The following CIMAP1A variants were observed in gnomAD, a reference collection of about 807,000 sequenced individuals.
The protein encoded by CIMAP1A is cancer/testis antigen 135.
chr11:197,210 A>C, the CIMAP1A span: 1 of 822,198 alleles, frequency 1.2e-6, no homozygotes, highest in Non-Finnish European at 1.9e-6. Context: ...CTTCAGTGTC[A>C]GCAAGAGCAG....
At chr11:198,191 T>A in the CIMAP1A span, 1 of 1,612,880 alleles carries the variant, frequency 6.2e-7, no homozygotes, top group African/African-American at 1.3e-5. Context: ...CCTTGGCTCC[T>A]TGTCCAGGTG....
At chr11:199,137 G>T in the CIMAP1A span, 1 of 1,398,216 alleles carries the variant, frequency 7.2e-7, no homozygotes, top group East Asian at 2.7e-5. Context: ...CACACACTGG[G>T]GATGCCATTG....
the CIMAP1A span, chr11:197,055 A>C: frequency 2.8e-6 from 1 of 355,172 alleles, no homozygotes; most frequent in Non-Finnish European, 5.1e-6. Flanking sequence ...TGGTGAGTTA[A>C]GGGCCAGCAT....
At chr11:199,903 G>A in the CIMAP1A span, 1 of 1,609,736 alleles carries the variant, frequency 6.2e-7, no homozygotes, top group Non-Finnish European at 8.5e-7. Context: ...TGCAGGTGGG[G>A]GCAGGGGTGC....
At chr11:198,366 T>C in the CIMAP1A span, 13 of 1,613,336 alleles carry the variant, frequency 8.1e-6, no homozygotes, top group Non-Finnish European at 1.1e-5. Context: ...GTGTGTGACA[T>C]GGGGCAGCCC....
chr11:197,225 G>T, the CIMAP1A span: 1 of 967,326 alleles, frequency 1.0e-6, no homozygotes, highest in Non-Finnish European at 1.5e-6. Flanking sequence ...GAGCAGGGTC[G>T]GGGACATCAG....
At chr11:197,335 A>G in the CIMAP1A span, 1 of 1,590,056 alleles carries the variant, frequency 6.3e-7, no homozygotes, top group South Asian at 1.1e-5. Flanking sequence ...GGGTACCTGG[A>G]GGCCCCATCG....
the CIMAP1A span, chr11:199,408 G>T: frequency 1.3e-6 from 2 of 1,575,334 alleles, no homozygotes; most frequent in Non-Finnish European, 1.7e-6. Context: ...TGATGTGCGG[G>T]TGACCAAGTT....
chr11:197,260 C>A, the CIMAP1A span: 15 of 1,404,554 alleles, frequency 1.1e-5, no homozygotes, highest in East Asian at 2.8e-4. Context: ...CAGGGCCGGG[C>A]CTCCCAGCAC....
the CIMAP1A span, chr11:198,726 C>A: frequency 6.4e-4 from 948 of 1,472,146 alleles, 12 homozygotes; most frequent in East Asian, 0.021. Context: ...GCACCTGCCA[C>A]GTGCTGGGGT....
chr11:197,809 C>T, the CIMAP1A span: 4 of 1,586,654 alleles, frequency 2.5e-6, no homozygotes, highest in Non-Finnish European at 3.4e-6. Flanking sequence ...CTCAGGCCTG[C>T]CCCTCCCTGC....
the CIMAP1A span, chr11:197,911 A>G: frequency 1.3e-5 from 20 of 1,495,094 alleles, no homozygotes; most frequent in African/African-American, 2.5e-4. Flanking sequence ...AGGGGTCACC[A>G]TCGTGCCTGG....
At chr11:198,996 T>G in the CIMAP1A span, 32 of 1,182,944 alleles carry the variant, frequency 2.7e-5, no homozygotes, top group African/African-American at 4.2e-4. Flanking sequence ...TTGAGGGGCC[T>G]GAGATGGGGA....
the CIMAP1A span, chr11:200,179 C>T: frequency 3.4e-5 from 23 of 678,012 alleles, no homozygotes; most frequent in Non-Finnish European, 5.4e-5. Context: ...TAATCAGTTA[C>T]TTTTTTTCTA....
chr11:198,558 G>C, the CIMAP1A span: 1 of 1,610,428 alleles, frequency 6.2e-7, no homozygotes, highest in Non-Finnish European at 8.5e-7. Flanking sequence ...GCAGCAAGCT[G>C]GGCGGCTTCA....
At chr11:198,101 GC>G in the CIMAP1A span, 1 of 1,552,072 alleles carries the variant, frequency 6.4e-7, no homozygotes, top group Non-Finnish European at 8.7e-7. Flanking sequence ...GAGCCCAGAG[GC>G]CCCACGCCTA....
chr11:199,361 CCT>C, the CIMAP1A span: 1 of 1,565,564 alleles, frequency 6.4e-7, no homozygotes. Context: ...GCCTCCTTTA[CCT>C]CTCAGACCCC....
At chr11:198,465 C>T in the CIMAP1A span, 1 of 1,613,142 alleles carries the variant, frequency 6.2e-7, no homozygotes, top group Non-Finnish European at 8.5e-7. Flanking sequence ...ACCCTGCAGG[C>T]CCCGCTGCGT....
the CIMAP1A span, chr11:197,972 G>T: frequency 6.5e-7 from 1 of 1,528,456 alleles, no homozygotes; most frequent in African/African-American, 1.4e-5. Context: ...ACCTTTCTCT[G>T]CCAGGCCGAC....
Sources: gnomAD v4.1 joint callset for allele counts on GRCh38, gnomAD v4.1.1 for gene constraint, MANE v1.5 for transcripts, NCBI Gene and HGNC (gene_info 2026-07-23, HGNC 2026-07-21) for gene names.